Variants in OTOGL observed in about 807,000 individuals in gnomAD.
OTOGL encodes otogelin like, also known as otogelin-like protein.
A neutral mutation model predicts 318.5 loss-of-function variants in OTOGL; 285 were observed. The observed-to-expected ratio is 0.89, with a 90% CI of 0.81 to 0.99. The LOEUF (loss-of-function observed/expected upper bound fraction) is 0.99, where lower values mean the gene tolerates loss of function less well. Ranked by LOEUF, OTOGL falls within the 50% of genes least tolerant of loss-of-function variation. The probability of loss-of-function intolerance (pLI) is 0.00; values close to 1 mark genes in which losing one functional copy is unlikely to be tolerated. For missense variants in OTOGL, 2,899 were observed against 2,845.6 expected, an observed-to-expected ratio of 1.02 and a Z score of -0.43; for synonymous variants, 987 against 936.5, an observed-to-expected ratio of 1.05 and a Z score of -0.99.
chr12:80,154,925 A>G (rs1430648218), intron 1 of OTOGL, among the ~76,000 whole-genome samples: 1 of 152,214 alleles, frequency 6.6e-6, no homozygotes, highest in East Asian at 1.9e-4. Flanking sequence ...CTGTTGCTAC[A>G]CATCCTTGCC....
At position 80,305,696 on chromosome 12, in the gene OTOGL, G is replaced by GT; in HGVS notation, c.3333+2dup. On this transcript the variant is annotated splice_donor_variant, in intron 29 of 58. Transcript: ENST00000547103. LOFTEE classifies it high-confidence loss of function. ...TGGAGATAGTTGGGCATTAGGACAG[G>GT]TAAGTTACATAAATGTATTTTAGAA... 6.6e-7 allele frequency: 1 copy of GT among 1,521,652 alleles called. No homozygotes were observed. 94.3% of individuals were successfully genotyped at this position (1,521,652 alleles called of 1,614,324 possible). A position where few individuals can be genotyped will look rare whatever the true frequency, so the allele number is the denominator to read the frequency against.
intron 39 of OTOGL, 72 bp from the exon 40 acceptor site, chr12:80,336,341 T>C: frequency 7.0e-7 from 1 of 1,433,932 alleles, no homozygotes; most frequent in Non-Finnish European, 9.2e-7. Flanking sequence ...TAACAGATTT[T>C]TTTAAAAGAG....
Position 80,255,024 on chromosome 12 carries a change from T to C in OTOGL, c.1442-16T>C, listed in dbSNP as rs80186622. 2.8e-6 allele frequency: 2 copies of C among 707,000 alleles called. No individual in the cohort carries two copies. The highest frequency in any genetic ancestry group is 2.0e-5 in the African/African-American group (1 of 51,030). The allele number at this position is 707,000 out of a possible 1,614,324, so 43.8% of individuals were successfully genotyped here. ...CCTCCTTTTCTTTTTCTTTGTTTTC[T>C]TTTTTTTTTTGGCAGTTCAATGCTC... On this transcript the variant is annotated splice_polypyrimidine_tract_variant and intron_variant, in intron 15 of 58. Coordinates refer to ENST00000547103, the MANE Select transcript of OTOGL (RefSeq NM_001378609.3).
chr12:80,122,854 C>A (rs576414690), intron 1 of OTOGL, among the ~76,000 whole-genome samples: 12 of 152,172 alleles, frequency 7.9e-5, no homozygotes, highest in Non-Finnish European at 1.6e-4. Flanking sequence ...AGTTGCTCTG[C>A]AAGTTGAGTC....
intron 31 of OTOGL, 48 bp downstream of exon 31, chr12:80,313,680 A>G (rs1886797602): frequency 7.0e-7 from 1 of 1,427,562 alleles, no homozygotes; most frequent in Admixed American, 2.2e-5. Flanking sequence ...TGATAAAGAG[A>G]TACATATTAA....
chr12:80,336,306 C>A, intron 39 of OTOGL, 107 bp from the exon 40 acceptor site: 1 of 1,348,244 alleles, frequency 7.4e-7, no homozygotes, highest in Non-Finnish European at 9.7e-7. Context: ...AGAGTTGCTT[C>A]TTGTCAGACA....
At chr12:80,281,169 A>C (rs986195121) in intron 26 of OTOGL, among the ~76,000 whole-genome samples, 1 of 151,680 alleles carries the variant, frequency 6.6e-6, no homozygotes, top group African/African-American at 2.4e-5. Context: ...TCCTCTTCCT[A>C]TTTGGATGCC....
intron 24 of OTOGL, among the ~76,000 whole-genome samples, chr12:80,273,573 T>C (rs1462785087): frequency 6.6e-6 from 1 of 152,126 alleles, no homozygotes; most frequent in Non-Finnish European, 1.5e-5. Flanking sequence ...TATTTACTTC[T>C]TGGATGATTG....
Position 80,323,877 on chromosome 12 carries a change from C to A in OTOGL, c.4199+37C>A, listed in dbSNP as rs767945353. On this transcript the variant is annotated intron_variant, in intron 35 of 58. Coordinates refer to ENST00000547103, the MANE Select transcript of OTOGL (RefSeq NM_001378609.3). ...TTACCAATAAGTGATCAAAGTCCAG[C>A]CTTAGCAAATTCTGTTTTCAGTTGA... 9 of 1,492,252 alleles carry A rather than the reference C, an allele frequency of 6.0e-6. No individual in the cohort carries two copies. In the Admixed American group the frequency reaches 7.0e-5, roughly 12 times the overall value. 92.4% of individuals were successfully genotyped at this position (1,492,252 alleles called of 1,614,324 possible).
intron 1 of OTOGL, among the ~76,000 whole-genome samples, chr12:80,180,431 G>A (rs1390951381): frequency 6.6e-6 from 1 of 152,164 alleles, no homozygotes; most frequent in Non-Finnish European, 1.5e-5. Context: ...GGCAACTTTT[G>A]GCCATCATGT....
chr12:80,157,589 G>A (rs182264706), intron 1 of OTOGL, among the ~76,000 whole-genome samples: 7 of 152,138 alleles, frequency 4.6e-5, no homozygotes, highest in Admixed American at 4.6e-4. Flanking sequence ...CATCTATTTT[G>A]TTTAATTTTT....
chr12:80,099,725 T>C (rs1869020536), intron 1 of OTOGL, 120 bp downstream of exon 1: 2 of 152,174 alleles, frequency 1.3e-5, no homozygotes, highest in Admixed American at 1.3e-4. Context: ...GCATTTACAA[T>C]ATAACCTGCA....
At chr12:80,275,661 T>C (rs1453072986) in intron 24 of OTOGL, among the ~76,000 whole-genome samples, 1 of 151,812 alleles carries the variant, frequency 6.6e-6, no homozygotes, top group East Asian at 1.9e-4. Flanking sequence ...AAATCTTTTG[T>C]GAAAGGGGGA....
At chr12:80,128,063 C>T (rs569163320) in intron 1 of OTOGL, among the ~76,000 whole-genome samples, 253 of 152,340 alleles carry the variant, frequency 1.7e-3, no homozygotes, top group African/African-American at 5.9e-3. Flanking sequence ...TTCCATCCAG[C>T]TTTGTTCCGT....
At chr12:80,256,206 A>T in intron 16 of OTOGL, 131 bp from the exon 17 acceptor site, 1 of 1,083,064 alleles carries the variant, frequency 9.2e-7, no homozygotes, top group Non-Finnish European at 1.3e-6. Context: ...ATTTATATGC[A>T]CTCTCTTTCT....
At chr12:80,109,857 A>AT (rs1167299535) in intron 1 of OTOGL, among the ~76,000 whole-genome samples, 1 of 152,124 alleles carries the variant, frequency 6.6e-6, no homozygotes, top group Admixed American at 6.5e-5. Context: ...AAAATATAAA[A>AT]TTTTTTTAAA....
chr12:80,366,661 T>A, intron 53 of OTOGL, 24 bp downstream of exon 53: 1 of 1,104,354 alleles, frequency 9.1e-7, no homozygotes, highest in Non-Finnish European at 1.2e-6. Context: ...TTGTAACTTT[T>A]AAATTATAAA....
intron 17 of OTOGL, among the ~76,000 whole-genome samples, chr12:80,256,962 T>C (rs939121468): frequency 6.6e-6 from 1 of 152,036 alleles, no homozygotes; most frequent in African/African-American, 2.4e-5. Context: ...GAACCAGAAC[T>C]AAATTGGTTT....
intron 1 of OTOGL, among the ~76,000 whole-genome samples, chr12:80,148,247 C>G (rs10778717): frequency 7.0e-6 from 1 of 143,342 alleles, no homozygotes; most frequent in Non-Finnish European, 1.5e-5. Flanking sequence ...AGGGCAGGTC[C>G]GGTGGTGACA....
Sources: gnomAD v4.1 joint callset for allele counts (sites outside exome capture counted in the v4.1 genomes callset) on GRCh38, gnomAD v4.1.1 for gene constraint, MANE v1.5 for transcripts, NCBI Gene and HGNC (gene_info 2026-07-23, HGNC 2026-07-21) for gene names.